BNC2: variants seen among roughly 807,000 people sequenced by gnomAD.
BNC2 encodes zinc finger protein basonuclin-2.
In BNC2, 20 loss-of-function variants were observed where a neutral mutation model predicts 76.3. The ratio of observed to expected loss-of-function variants is 0.26; its 90% CI spans 0.18 to 0.38. The LOEUF (loss-of-function observed/expected upper bound fraction) is 0.38, where lower values mean the gene tolerates loss of function less well. BNC2 is among the 10% of genes least tolerant of loss of function. The pLI is 1.00. For synonymous variants in BNC2, 582 were observed against 514.8 expected, an observed-to-expected ratio of 1.13 and a Z score of -1.77; for missense variants, 1,382 against 1,399.8, an observed-to-expected ratio of 0.99 and a Z score of 0.20.
At chr9:16,488,601 T>C (rs1463919174) in intron 5 of BNC2, among the ~76,000 whole-genome samples, 2 of 152,228 alleles carry the variant, frequency 1.3e-5, no homozygotes, top group African/African-American at 2.4e-5. Flanking sequence ...ATTCAGGGCT[T>C]AGCCTGCAAA....
intron 3 of BNC2, among the ~76,000 whole-genome samples, chr9:16,681,248 T>G (rs1822812179): frequency 6.6e-6 from 1 of 152,146 alleles, no homozygotes; most frequent in African/African-American, 2.4e-5. Context: ...GGTAGATAAG[T>G]AAAATAAACA....
intron 5 of BNC2, among the ~76,000 whole-genome samples, chr9:16,441,377 A>G (rs7025207): frequency 6.6e-6 from 1 of 152,250 alleles, no homozygotes. Context: ...GACTGCAACA[A>G]GAAACAAATT....
chr9:16,638,911 A>G (rs1821406625), intron 3 of BNC2, among the ~76,000 whole-genome samples: 1 of 152,328 alleles, frequency 6.6e-6, no homozygotes, highest in Admixed American at 6.5e-5. Flanking sequence ...ATGATAATAT[A>G]AATTGCAAAA....
intron 5 of BNC2, among the ~76,000 whole-genome samples, chr9:16,506,511 C>CTTTTTTT (rs1563814965): frequency 2.0e-4 from 16 of 81,444 alleles, no homozygotes; most frequent in African/African-American, 8.3e-4. Flanking sequence ...TCTCTCTCTC[C>CTTTTTTT]TCTTTTTTTT....
chr9:16,437,054 T>C lies in BNC2; in HGVS notation c.1140A>G (p.Gln380=), dbSNP rs1261376818. The change falls in exon 6 of 7, where the codon CAA becomes CAG. Residue 380 remains glutamine (Q), a synonymous_variant. Coordinates refer to ENST00000380672, the MANE Select transcript of BNC2 (RefSeq NM_017637.6). ...EVSPTPYKND[Q]TPNRNALTSI... is the part of the protein sequence containing the mutation. ...TGGTCAGGGCATTTCTATTGGGTGT[T>C]TGATCATTCTTATAAGGTGTGGGAG... 1 of 1,612,610 alleles carries C rather than the reference T, an allele frequency of 6.2e-7. No homozygotes were observed. Among genetic ancestry groups the C allele is most frequent in the East Asian group, 2.2e-5 (1 of 44,842 alleles).
intron 3 of BNC2, among the ~76,000 whole-genome samples, chr9:16,671,204 TCATG>T (rs1255130626): frequency 6.6e-6 from 1 of 152,166 alleles, no homozygotes; most frequent in African/African-American, 2.4e-5. Context: ...CAAAATGCCT[TCATG>T]CAAGTCACTC....
At chr9:16,842,844 T>C (rs950541339) in intron 1 of BNC2, among the ~76,000 whole-genome samples, 1 of 152,154 alleles carries the variant, frequency 6.6e-6, no homozygotes, top group Non-Finnish European at 1.5e-5. Flanking sequence ...CTCTGTCTCT[T>C]GGGTTCAAGC....
intron 1 of BNC2, among the ~76,000 whole-genome samples, chr9:16,801,318 T>C (rs1817772777): frequency 6.6e-6 from 1 of 152,138 alleles, no homozygotes; most frequent in Non-Finnish European, 1.5e-5. Flanking sequence ...GTGATATTGC[T>C]CACTGCAACC....
At chr9:16,589,998 C>T (rs1819880253) in intron 3 of BNC2, among the ~76,000 whole-genome samples, 1 of 152,058 alleles carries the variant, frequency 6.6e-6, no homozygotes, top group Admixed American at 6.5e-5. Flanking sequence ...GTGGCTTAAA[C>T]CTGTAATCCC....
At chr9:16,838,517 C>G (rs1442656702) in intron 1 of BNC2, among the ~76,000 whole-genome samples, 1 of 152,088 alleles carries the variant, frequency 6.6e-6, no homozygotes, top group African/African-American at 2.4e-5. Context: ...GCCAAGAGCA[C>G]TCCATTGCAC....
chr9:16,599,711 A>G (rs1820192128), intron 3 of BNC2, among the ~76,000 whole-genome samples: 1 of 152,204 alleles, frequency 6.6e-6, no homozygotes, highest in Admixed American at 6.5e-5. Context: ...TTGAACCCGG[A>G]GGCAGAGGTT....
At chr9:16,646,673 TG>T (rs2133904372) in intron 3 of BNC2, among the ~76,000 whole-genome samples, 2 of 152,296 alleles carry the variant, frequency 1.3e-5, no homozygotes, top group East Asian at 3.9e-4. Context: ...TAGTTTAATA[TG>T]AGTATACACA....
intron 3 of BNC2, among the ~76,000 whole-genome samples, chr9:16,720,238 T>G (rs900974931): frequency 3.9e-5 from 6 of 152,210 alleles, no homozygotes; most frequent in African/African-American, 1.4e-4. Context: ...AAAAGGGTAT[T>G]TATTCAATTA....
At chr9:16,531,127 G>T (rs955873443) in intron 5 of BNC2, among the ~76,000 whole-genome samples, 2 of 152,162 alleles carry the variant, frequency 1.3e-5, no homozygotes, top group Admixed American at 6.5e-5. Context: ...TTACTTAAAT[G>T]TTCTAAGGGA....
At chr9:16,804,621 A>C (rs1817859930) in intron 1 of BNC2, among the ~76,000 whole-genome samples, 1 of 152,254 alleles carries the variant, frequency 6.6e-6, no homozygotes, top group Non-Finnish European at 1.5e-5. Flanking sequence ...CCAATTCCTT[A>C]AAAACCAACT....
intron 3 of BNC2, among the ~76,000 whole-genome samples, chr9:16,621,822 G>A (rs941088496): frequency 4.6e-5 from 7 of 151,924 alleles, no homozygotes; most frequent in East Asian, 1.9e-4. Context: ...AAAAGAAAAT[G>A]TCTCGATAAA....
intron 1 of BNC2, among the ~76,000 whole-genome samples, chr9:16,741,957 C>CAAAAAAAAAA (rs35573018): frequency 3.8e-5 from 3 of 79,396 alleles, no homozygotes; most frequent in Admixed American, 1.8e-4. Context: ...GGCTCCATCT[C>CAAAAAAAAAA]AAAAAAAAAA....
intron 3 of BNC2, among the ~76,000 whole-genome samples, chr9:16,667,577 C>T (rs539230376): frequency 1.3e-5 from 2 of 152,284 alleles, no homozygotes; most frequent in South Asian, 4.1e-4. Flanking sequence ...CTTTCAACTT[C>T]TTCTTGACAT....
Position 16,411,358 on chromosome 9 carries a change from T to C in BNC2, c.*7631A>G, listed in dbSNP as rs1300629697. 6.5e-6 allele frequency: 1 copy of C among 152,678 alleles called. No homozygotes were observed. The highest frequency in any genetic ancestry group is 1.5e-5 in the Non-Finnish European group (1 of 68,046). The allele number at this position is 152,678 out of a possible 1,614,324, so 9.5% of individuals were successfully genotyped here. A position where few individuals can be genotyped will look rare whatever the true frequency, so the allele number is the denominator to read the frequency against. ...TCAATACTATCTACTTCTCTCCATT[T>C]TTCTTAAAATACTTCTTTCTGCTCT... is the stretch of plus-strand genomic sequence containing the variant. On this transcript the variant is annotated 3_prime_UTR_variant, in exon 7 of 7. Coordinates refer to ENST00000380672, the MANE Select transcript of BNC2 (RefSeq NM_017637.6).
Sources: allele counts gnomAD v4.1 joint callset (sites outside exome capture counted in the v4.1 genomes callset), GRCh38; gene constraint gnomAD v4.1.1; transcripts MANE v1.5; gene names NCBI Gene and HGNC (gene_info 2026-07-23, HGNC 2026-07-21).